The following PDZD8 variants were observed in gnomAD, a reference collection of about 807,000 sequenced individuals.
PDZD8 encodes PDZ domain-containing protein 8.
PDZD8 carries 14 observed loss-of-function variants against 85.8 expected under a neutral mutation model. That is an observed-to-expected ratio of 0.16 (90% CI 0.11 to 0.26). PDZD8 has a LOEUF of 0.26. Ranked by LOEUF, PDZD8 falls within the 10% of genes least tolerant of loss-of-function variation. The pLI is 1.00. For missense variants in PDZD8, 1,197 were observed against 1,424.3 expected (o/e 0.84, Z 2.57); for synonymous variants, 592 against 568.6 (o/e 1.04, Z -0.59).
intron 4 of PDZD8, among the ~76,000 whole-genome samples, chr10:117,286,860 C>G (rs1844673819): frequency 6.6e-6 from 1 of 152,204 alleles, no homozygotes; most frequent in Admixed American, 6.5e-5. Flanking sequence ...GAGCTTGCCG[C>G]TTGGATCTAG....
chr10:117,301,657 T>A (rs1843849687), intron 3 of PDZD8, among the ~76,000 whole-genome samples: 1 of 152,154 alleles, frequency 6.6e-6, no homozygotes, highest in Non-Finnish European at 1.5e-5. Flanking sequence ...AGTGAGGGAC[T>A]ACCAGCTTAC....
At chr10:117,368,820 A>T (rs932436702) in intron 1 of PDZD8, among the ~76,000 whole-genome samples, 1 of 142,984 alleles carries the variant, frequency 7.0e-6, no homozygotes, top group Non-Finnish European at 1.6e-5. Flanking sequence ...TGGCAGAGTG[A>T]CTTTTTAAAA....
intron 1 of PDZD8, among the ~76,000 whole-genome samples, chr10:117,347,045 A>G (rs1844721299): frequency 6.6e-6 from 1 of 151,752 alleles, no homozygotes; most frequent in Non-Finnish European, 1.5e-5. Context: ...TTTTTCTATT[A>G]AACTTTCCTC....
At chr10:117,336,647 CA>C (rs931617399) in intron 2 of PDZD8, among the ~76,000 whole-genome samples, 1 of 147,536 alleles carries the variant, frequency 6.8e-6, no homozygotes, top group Non-Finnish European at 1.5e-5. Flanking sequence ...AAAAAAAAGA[CA>C]AAAAAAAAGA....
chr10:117,364,186 G>A (rs748121488), intron 1 of PDZD8, among the ~76,000 whole-genome samples: 4,883 of 99,692 alleles, frequency 0.049, 89 homozygotes, highest in East Asian at 0.073. Context: ...TTATGGGTGT[G>A]TGTGTGTGTG....
chr10:117,321,106 A>G (rs1207006696), intron 2 of PDZD8, among the ~76,000 whole-genome samples: 1 of 152,214 alleles, frequency 6.6e-6, no homozygotes, highest in Admixed American at 6.5e-5. Flanking sequence ...AAAAGTTAAC[A>G]TAGAGTTAAC....
chr10:117,346,027 G>A (rs1430798021), intron 1 of PDZD8, among the ~76,000 whole-genome samples: 2 of 152,042 alleles, frequency 1.3e-5, no homozygotes, highest in Non-Finnish European at 2.9e-5. Flanking sequence ...GATCACCTGA[G>A]GTCAGGAGTT....
rs1231454889 is a variant in PDZD8 at position 117,283,303 on chromosome 10, A to C, written c.3430T>G (p.Ser1144Ala). 6.2e-7 allele frequency: 1 copy of C among 1,613,108 alleles called. No homozygotes were observed. Among genetic ancestry groups the C allele is most frequent in the African/African-American group, 1.3e-5 (1 of 74,774 alleles). Residue 1144 changes from serine to alanine, a missense_variant, in exon 5 of 5, where the codon TCA becomes GCA. Transcript: ENST00000334464. ...TCGGATGGGCCAAATAAGTCATCTG[A>C]TATGCTGCTGAATGGCTGAGAGTCT... ...LIDSQPFSSI[S>A]DDLFGPSESV
In PDZD8 at chr10:117,374,997, G is replaced by A; in HGVS notation, c.231C>T (p.Gly77=). 6.3e-7 allele frequency: 1 copy of A among 1,590,286 alleles called. No individual in the cohort carries two copies. The highest frequency in any genetic ancestry group is 8.6e-7 in the Non-Finnish European group (1 of 1,168,856). Residue 77 remains glycine, a synonymous_variant, in exon 1 of 5, where the codon GGC becomes GGT. Transcript: ENST00000334464. The surrounding 1 kb of genome is among the most constrained non-coding windows in gnomAD (Gnocchi z 7.8). ...EEPSGAAPEG[G]ATPTAAPETP... is the part of the protein sequence containing the mutation. Reference sequence around the variant, plus strand: ...TCTCGGGGGCCGCGGTGGGGGTCGCGCCGCCCTCAGGGGCCGCTCCGGAGG... The same window carrying A: ...TCTCGGGGGCCGCGGTGGGGGTCGCACCGCCCTCAGGGGCCGCTCCGGAGG...
At chr10:117,342,643 G>A (rs1844636052) in intron 1 of PDZD8, among the ~76,000 whole-genome samples, 1 of 151,950 alleles carries the variant, frequency 6.6e-6, no homozygotes, top group Non-Finnish European at 1.5e-5. Context: ...ATACCTGGAT[G>A]ATTTTTGTAT....
At chr10:117,372,321 A>G (rs181585108) in intron 1 of PDZD8, among the ~76,000 whole-genome samples, 1 of 152,336 alleles carries the variant, frequency 6.6e-6, no homozygotes, top group African/African-American at 2.4e-5. Context: ...TGATACAGAT[A>G]ATAGTTTTTC....
At position 117,279,998 on chromosome 10, in the gene PDZD8, TTATC is replaced by T. The variant is rs1260168921; in HGVS notation, c.*3266_*3269del. On this transcript the variant is annotated 3_prime_UTR_variant, in exon 5 of 5. Coordinates refer to ENST00000334464, the MANE Select transcript of PDZD8 (RefSeq NM_173791.5). ...TTTAGGGGACTTAACATTTTATTAT[TTATC>T]TTATTTTTAAGAGCCAAATATTTCC... 1 of 152,186 alleles carries T rather than the reference TTATC, an allele frequency of 6.6e-6. No homozygotes were observed. Among genetic ancestry groups the T allele is most frequent in the Non-Finnish European group, 1.5e-5 (1 of 68,038 alleles). 9.4% of individuals were successfully genotyped at this position (152,186 alleles called of 1,614,324 possible). A position where few individuals can be genotyped will look rare whatever the true frequency, so the allele number is the denominator to read the frequency against.
intron 1 of PDZD8, among the ~76,000 whole-genome samples, chr10:117,353,945 C>G (rs1284256438): frequency 1.3e-5 from 2 of 152,172 alleles, no homozygotes; most frequent in Non-Finnish European, 2.9e-5. Flanking sequence ...ACAGTTCATA[C>G]ATTGGTACCT....
At chr10:117,330,653 A>G (rs1228496787) in intron 2 of PDZD8, among the ~76,000 whole-genome samples, 4 of 152,200 alleles carry the variant, frequency 2.6e-5, no homozygotes, top group Non-Finnish European at 5.9e-5. Flanking sequence ...CATATCTATG[A>G]GGCATTTACT....
chr10:117,359,140 C>T (rs1021989108), intron 1 of PDZD8, among the ~76,000 whole-genome samples: 2 of 152,124 alleles, frequency 1.3e-5, no homozygotes, highest in Non-Finnish European at 2.9e-5. Flanking sequence ...CAGGGCCAGG[C>T]GTGGTGGCTG....
intron 1 of PDZD8, among the ~76,000 whole-genome samples, chr10:117,361,758 T>TA (rs1183422150): frequency 1.3e-5 from 2 of 151,984 alleles, no homozygotes; most frequent in Admixed American, 6.6e-5. Flanking sequence ...ACCCCAGATT[T>TA]AAAAAAAAGA....
intron 3 of PDZD8, among the ~76,000 whole-genome samples, chr10:117,290,770 TATA>T (rs1844744742): frequency 6.6e-6 from 1 of 151,970 alleles, no homozygotes; most frequent in African/African-American, 2.4e-5. Context: ...TAATCATGAA[TATA>T]ATTCTGAATC....
chr10:117,363,831 A>C (rs1845038583), intron 1 of PDZD8, among the ~76,000 whole-genome samples: 1 of 152,186 alleles, frequency 6.6e-6, no homozygotes, highest in Non-Finnish European at 1.5e-5. Context: ...TGAAGAATTC[A>C]CAGGCGTAAA....
chr10:117,318,906 A>T lies in PDZD8; in HGVS notation c.1064T>A (p.Val355Asp). The T allele has an allele frequency of 1.2e-6, 2 of 1,611,606 alleles. No individual in the cohort carries two copies. Among genetic ancestry groups the T allele is most frequent in the South Asian group, 1.1e-5 (1 of 91,016 alleles). ...AGAACTCCTCTGTTTTTCTTCCCAA[A>T]CACTACTGCTTAACTCAAGTGTGCA... is the stretch of plus-strand genomic sequence containing the variant. ...VHCTLELSSSVWEEKQRSSIK... is the reference protein window; with the variant it reads ...VHCTLELSSSDWEEKQRSSIK... The change falls in exon 3 of 5, where the codon GTT (valine) becomes GAT (aspartate). Residue 355 changes from valine (V) to aspartate (D), a missense_variant. By Grantham distance (152) the Val-to-Asp change is radical. Coordinates refer to ENST00000334464, the MANE Select transcript of PDZD8 (RefSeq NM_173791.5).
Sources: gnomAD v4.1 joint callset for allele counts (sites outside exome capture counted in the v4.1 genomes callset) on GRCh38, gnomAD v4.1.1 for gene constraint, Gnocchi (gnomAD v3.1) non-coding constraint, MANE v1.5 for transcripts, NCBI Gene and HGNC (gene_info 2026-07-23, HGNC 2026-07-21) for gene names.